TRDN: variants seen among roughly 807,000 people sequenced by gnomAD.
The protein encoded by TRDN is triadin.
A neutral mutation model predicts 149.7 loss-of-function variants in TRDN; 161 were observed. That is an observed-to-expected ratio of 1.08 (90% CI 0.95 to 1.23). The LOEUF (loss-of-function observed/expected upper bound fraction) is 1.23, where lower values mean the gene tolerates loss of function less well. TRDN is among the 50% of genes most tolerant of loss of function. TRDN has a pLI of 0.00. For synonymous variants in TRDN, 294 were observed against 250.5 expected (o/e 1.17, Z -1.64); for missense variants, 896 against 823.5 (o/e 1.09, Z -1.08).
At chr6:123,560,573 T>C (rs144784242) in intron 2 of TRDN, among the ~76,000 whole-genome samples, 408 of 152,206 alleles carry the variant, frequency 2.7e-3, no homozygotes, top group African/African-American at 9.5e-3. Flanking sequence ...AAAGCAGCCA[T>C]CAAAAGGGCT....
At chr6:123,231,270 G>A (rs563003407) in intron 38 of TRDN, among the ~76,000 whole-genome samples, 1 of 152,160 alleles carries the variant, frequency 6.6e-6, no homozygotes, top group African/African-American at 2.4e-5. Context: ...GGACTCTGAA[G>A]TATGAGATAG....
At chr6:123,398,017 C>G (rs1025246545) in intron 12 of TRDN, among the ~76,000 whole-genome samples, 1 of 152,124 alleles carries the variant, frequency 6.6e-6, no homozygotes, top group Non-Finnish European at 1.5e-5. Context: ...TCTTTTATTT[C>G]TTTTTGAAAT....
intron 1 of TRDN, among the ~76,000 whole-genome samples, chr6:123,579,530 G>A (rs749410837): frequency 3.9e-5 from 6 of 152,102 alleles, no homozygotes; most frequent in South Asian, 2.1e-4. Flanking sequence ...ATGTGCTGAC[G>A]GATTTGGTTT....
chr6:123,625,085 T>C (rs1013249888), intron 1 of TRDN, among the ~76,000 whole-genome samples: 3 of 151,188 alleles, frequency 2.0e-5, no homozygotes, highest in Non-Finnish European at 4.4e-5. Context: ...TTTTTTGTCA[T>C]TTCTGCATTG....
chr6:123,551,342 T>TATATACACACAC (rs1554256527), intron 2 of TRDN, among the ~76,000 whole-genome samples: 7 of 141,200 alleles, frequency 5.0e-5, no homozygotes, highest in African/African-American at 1.9e-4. Flanking sequence ...AAAACCTAAA[T>TATATACACACAC]ACACACACAC....
At chr6:123,391,784 A>G (rs1311101907) in intron 13 of TRDN, among the ~76,000 whole-genome samples, 1 of 152,108 alleles carries the variant, frequency 6.6e-6, no homozygotes, top group Non-Finnish European at 1.5e-5. Flanking sequence ...CTAGCCTTTT[A>G]CCATGCCACA....
At chr6:123,388,955 C>T (rs955198161) in intron 13 of TRDN, among the ~76,000 whole-genome samples, 1 of 152,060 alleles carries the variant, frequency 6.6e-6, no homozygotes, top group Non-Finnish European at 1.5e-5. Context: ...TGCTTAGCTA[C>T]TGAGGAATTA....
At chr6:123,356,806 T>C (rs949911266) in intron 20 of TRDN, among the ~76,000 whole-genome samples, 12 of 151,208 alleles carry the variant, frequency 7.9e-5, no homozygotes, top group Non-Finnish European at 1.6e-4. Flanking sequence ...TTGCTTATTA[T>C]CTATAGAATC....
intron 24 of TRDN, among the ~76,000 whole-genome samples, chr6:123,285,834 T>C (rs1777784596): frequency 6.6e-6 from 1 of 151,228 alleles, no homozygotes; most frequent in Non-Finnish European, 1.5e-5. Context: ...CTCAAACAAA[T>C]TAAAAAATCC....
intron 1 of TRDN, among the ~76,000 whole-genome samples, chr6:123,630,169 T>C (rs1785912354): frequency 6.6e-6 from 1 of 152,050 alleles, no homozygotes. Context: ...TGCTTTGTTC[T>C]TTTTAAATAT....
intron 12 of TRDN, chr6:123,411,855 C>T (rs1773453497): frequency 6.6e-6 from 1 of 152,068 alleles, no homozygotes; most frequent in Admixed American, 6.5e-5. Flanking sequence ...TGAGCTGAAC[C>T]AAGTAAGTAA....
At chr6:123,329,201 T>C (rs1163121938) in intron 23 of TRDN, among the ~76,000 whole-genome samples, 1 of 152,162 alleles carries the variant, frequency 6.6e-6, no homozygotes, top group Non-Finnish European at 1.5e-5. Flanking sequence ...GTTTAGTGCA[T>C]AACCAGATTT....
At chr6:123,497,298 A>G in intron 8 of TRDN, 46 bp from the exon 9 acceptor site, 2 of 1,312,292 alleles carry the variant, frequency 1.5e-6, no homozygotes, top group Non-Finnish European at 2.0e-6. Context: ...TGTCATCAAC[A>G]CTTCATTTTT....
chr6:123,383,594 A>G (rs755534869), intron 14 of TRDN, among the ~76,000 whole-genome samples: 5 of 152,288 alleles, frequency 3.3e-5, no homozygotes, highest in Non-Finnish European at 5.9e-5. Flanking sequence ...AAAATACACA[A>G]TTATTCAAAT....
chr6:123,300,800 T>C (rs1374530219), intron 24 of TRDN, among the ~76,000 whole-genome samples: 1 of 152,008 alleles, frequency 6.6e-6, no homozygotes, highest in Non-Finnish European at 1.5e-5. Flanking sequence ...TACTTACTAG[T>C]ATAATATATA....
chr6:123,541,755 T>C (rs1237917631), intron 4 of TRDN, among the ~76,000 whole-genome samples: 1 of 152,212 alleles, frequency 6.6e-6, no homozygotes, highest in Non-Finnish European at 1.5e-5. Context: ...CTATGAATTT[T>C]AACAAGTTTA....
intron 24 of TRDN, among the ~76,000 whole-genome samples, chr6:123,300,066 C>T (rs1397865811): frequency 6.6e-6 from 1 of 151,890 alleles, no homozygotes; most frequent in Non-Finnish European, 1.5e-5. Context: ...TTTAGAAGAA[C>T]CACAGCATCT....
At chr6:123,475,654 C>T (rs1256178176) in intron 9 of TRDN, among the ~76,000 whole-genome samples, 1 of 117,572 alleles carries the variant, frequency 8.5e-6, no homozygotes, top group African/African-American at 3.4e-5. Flanking sequence ...ATGCAAAAAT[C>T]CTCAATAAAA....
At chr6:123,466,015 C>A (rs1776784284) in intron 9 of TRDN, among the ~76,000 whole-genome samples, 1 of 152,208 alleles carries the variant, frequency 6.6e-6, no homozygotes, top group Non-Finnish European at 1.5e-5. Flanking sequence ...CCACATGGAG[C>A]TCTGTTCATC....
Sources: gnomAD v4.1 joint callset for allele counts (sites outside exome capture counted in the v4.1 genomes callset) on GRCh38, gnomAD v4.1.1 for gene constraint, MANE v1.5 for transcripts, NCBI Gene and HGNC (gene_info 2026-07-23, HGNC 2026-07-21) for gene names.